PBX1: variants seen among roughly 807,000 people sequenced by gnomAD.
PBX1 encodes PBX homeobox 1, also known as pre-B-cell leukemia transcription factor 1.
Under a neutral mutation model 53.4 loss-of-function variants are expected in PBX1, and 6 were observed. The observed-to-expected ratio is 0.11, with a 90% confidence interval of 0.06 to 0.22. The LOEUF (loss-of-function observed/expected upper bound fraction) is 0.22, where lower values mean the gene tolerates loss of function less well. PBX1 is among the 10% of genes least tolerant of loss of function. The pLI is 1.00. For synonymous variants in PBX1, 204 were observed against 212.3 expected (o/e 0.96, Z 0.34); for missense variants, 251 against 551.4 (o/e 0.46, Z 5.46).
chr1:164,628,170 T>A (rs12127332), intron 2 of PBX1, among the ~76,000 whole-genome samples: 9,892 of 152,250 alleles, frequency 0.065, 558 homozygotes, highest in African/African-American at 0.15. Flanking sequence ...AAAAAAGTTT[T>A]AAAAATTTTA....
At chr1:164,681,115 C>T (rs936115132) in intron 2 of PBX1, among the ~76,000 whole-genome samples, 6 of 151,834 alleles carry the variant, frequency 4.0e-5, no homozygotes, top group East Asian at 1.9e-4. Flanking sequence ...ATGATGGGAG[C>T]GTGCCTGTAG....
intron 6 of PBX1, chr1:164,815,070 G>A (rs1225873755): frequency 2.6e-5 from 4 of 152,184 alleles, no homozygotes; most frequent in Non-Finnish European, 5.9e-5. Context: ...AAGAAAGCAA[G>A]AATAGGGGCC....
chr1:164,588,575 C>T (rs1655123255), intron 2 of PBX1, among the ~76,000 whole-genome samples: 1 of 140,466 alleles, frequency 7.1e-6, no homozygotes, highest in Non-Finnish European at 1.5e-5. Context: ...TTCCAGAAAG[C>T]AATGAGTTTC....
chr1:164,834,895 C>G (rs986309999), intron 8 of PBX1, among the ~76,000 whole-genome samples: 1 of 152,176 alleles, frequency 6.6e-6, no homozygotes, highest in African/African-American at 2.4e-5. Context: ...CTTCTTCAGA[C>G]ACTTTGTTTA....
intron 8 of PBX1, among the ~76,000 whole-genome samples, chr1:164,822,172 T>A (rs1409633041): frequency 6.6e-6 from 1 of 152,074 alleles, no homozygotes; most frequent in Non-Finnish European, 1.5e-5. Flanking sequence ...GCATGAAAAT[T>A]CATAGCGACA....
At chr1:164,628,716 A>G (rs1557901316) in intron 2 of PBX1, among the ~76,000 whole-genome samples, 4 of 149,626 alleles carry the variant, frequency 2.7e-5, no homozygotes, top group African/African-American at 7.3e-5. Context: ...TTATATCTGT[A>G]TCTCTCTCTT....
intron 2 of PBX1, among the ~76,000 whole-genome samples, chr1:164,717,817 T>C (rs1664187814): frequency 6.6e-6 from 1 of 152,190 alleles, no homozygotes; most frequent in African/African-American, 2.4e-5. Context: ...GTGGTATTAA[T>C]ATTACCTGCT....
chr1:164,848,669 T>G lies in PBX1; in HGVS notation c.*1993T>G. 9.5e-7 allele frequency: 1 copy of G among 1,056,052 alleles called. No homozygotes were observed. Among genetic ancestry groups the G allele is most frequent in the Non-Finnish European group, 1.1e-6 (1 of 873,566 alleles). The allele number at this position is 1,056,052 out of a possible 1,614,324, so 65.4% of individuals were successfully genotyped here. On this transcript the variant is annotated 3_prime_UTR_variant, in exon 9 of 9. Coordinates refer to ENST00000420696, the MANE Select transcript of PBX1 (RefSeq NM_002585.4). ...AAAACAGGCCCTGGTTCCCTTAGTTTGCACTTGAACCCAATATGTTGCCTT... is the reference window on the plus strand; with the variant it reads ...AAAACAGGCCCTGGTTCCCTTAGTTGGCACTTGAACCCAATATGTTGCCTT...
rs113836981 is a variant in PBX1 at position 164,773,243 on chromosome 1, G to GCGCGCACACACA, written c.266-19250_266-19249insGCGCACACACAC. On this transcript the variant is annotated intron_variant, in intron 2 of 8. Coordinates refer to ENST00000420696, the MANE Select transcript of PBX1 (RefSeq NM_002585.4). ...CAGCTCTTGCATATAGGTAACACGCGCACACACACACACACACACACACAC... is the reference window on the plus strand; with the variant it reads ...CAGCTCTTGCATATAGGTAACACGCGCGCGCACACACACACACACACACACACACACACACAC... Among the ~76,000 whole-genome samples the GCGCGCACACACA allele has an allele frequency of 8.8e-5, 13 of 147,784 alleles. No individual in the cohort carries two copies. The South Asian group carries it at 2.9e-3, about 32-fold the overall frequency.
At chr1:164,593,795 C>T (rs771956751) in intron 2 of PBX1, among the ~76,000 whole-genome samples, 47 of 152,142 alleles carry the variant, frequency 3.1e-4, no homozygotes, top group Admixed American at 2.6e-4. Flanking sequence ...AATGCAGGCA[C>T]TTATTGTTAT....
intron 2 of PBX1, among the ~76,000 whole-genome samples, chr1:164,712,259 A>C (rs1663838811): frequency 6.6e-6 from 1 of 151,406 alleles, no homozygotes; most frequent in East Asian, 1.9e-4. Context: ...CACTCGTTAC[A>C]ATTAAAATGA....
intron 2 of PBX1, among the ~76,000 whole-genome samples, chr1:164,603,403 C>G (rs986172212): frequency 6.6e-6 from 1 of 152,084 alleles, no homozygotes; most frequent in African/African-American, 2.4e-5. Context: ...GCGGATTTGT[C>G]CTGGAGGACC....
At chr1:164,782,127 C>T (rs1340787615) in intron 2 of PBX1, among the ~76,000 whole-genome samples, 3 of 152,156 alleles carry the variant, frequency 2.0e-5, no homozygotes, top group Admixed American at 2.0e-4. Flanking sequence ...GGCTGGTCTC[C>T]AGGGTGTGAG....
At chr1:164,622,725 T>C (rs1312981405) in intron 2 of PBX1, among the ~76,000 whole-genome samples, 1 of 152,062 alleles carries the variant, frequency 6.6e-6, no homozygotes. Context: ...TAACCAGCTG[T>C]TTGAAATCAC....
chr1:164,795,370 AT>A (rs2102309573), intron 3 of PBX1, among the ~76,000 whole-genome samples: 1 of 152,340 alleles, frequency 6.6e-6, no homozygotes, highest in South Asian at 2.1e-4. Context: ...CTTGGGCTAG[AT>A]TACTGGCACC....
chr1:164,644,162 T>C (rs910233666), intron 2 of PBX1, among the ~76,000 whole-genome samples: 1 of 152,238 alleles, frequency 6.6e-6, no homozygotes, highest in African/African-American at 2.4e-5. Context: ...GCTGGCCAGC[T>C]GCTTTCTGGT....
In PBX1 at chr1:164,851,093, T is replaced by C. The variant is rs1671815136; in HGVS notation, c.*4417T>C. Reference sequence around the variant, plus strand: ...TTGGGCCAGGCTCAATGCTGTAGTTTTAATGCTAAGAGGTTACGTTTACTT... The same window carrying C: ...TTGGGCCAGGCTCAATGCTGTAGTTCTAATGCTAAGAGGTTACGTTTACTT... On this transcript the variant is annotated 3_prime_UTR_variant, in exon 9 of 9. Transcript: ENST00000420696. 4.5e-6 allele frequency: 1 copy of C among 223,466 alleles called. No homozygotes were observed. Among genetic ancestry groups the C allele is most frequent in the Non-Finnish European group, 8.9e-6 (1 of 111,940 alleles). The allele number at this position is 223,466 out of a possible 1,614,324, so 13.8% of individuals were successfully genotyped here. A position where few individuals can be genotyped will look rare whatever the true frequency, so the allele number is the denominator to read the frequency against.
chr1:164,822,010 C>T (rs999193119), intron 8 of PBX1, among the ~76,000 whole-genome samples: 3 of 150,364 alleles, frequency 2.0e-5, no homozygotes, highest in Non-Finnish European at 4.4e-5. Context: ...ATTGCATCCA[C>T]GTCTGTGGTC....
chr1:164,634,389 T>C (rs1031762917), intron 2 of PBX1, among the ~76,000 whole-genome samples: 1 of 152,252 alleles, frequency 6.6e-6, no homozygotes, highest in Non-Finnish European at 1.5e-5. Flanking sequence ...GTAAGAGCTA[T>C]GGAAAACAAA....
Sources: gnomAD v4.1 joint callset for allele counts (sites outside exome capture counted in the v4.1 genomes callset) on GRCh38, gnomAD v4.1.1 for gene constraint, MANE v1.5 for transcripts, NCBI Gene and HGNC (gene_info 2026-07-23, HGNC 2026-07-21) for gene names.